Variants in LRPPRC observed in about 807,000 individuals in gnomAD.
LRPPRC encodes the protein leucine rich pentatricopeptide repeat containing.
LRPPRC carries 120 observed loss-of-function variants against 180.3 expected under a neutral mutation model. That is an observed-to-expected ratio of 0.67 (90% CI 0.57 to 0.77). The LOEUF is 0.77. Among genes scored for constraint, LRPPRC ranks in the 30% least tolerant of loss-of-function variants. LRPPRC has a pLI of 0.00. For synonymous variants in LRPPRC, 723 were observed against 600.0 expected, an observed-to-expected ratio of 1.21 and a Z score of -3.00; for missense variants, 2,012 against 1,657.2, an observed-to-expected ratio of 1.21 and a Z score of -3.72.
intron 23 of LRPPRC, among the ~76,000 whole-genome samples, chr2:43,937,829 A>C (rs758100954): frequency 4.6e-5 from 7 of 152,160 alleles, no homozygotes; most frequent in Admixed American, 1.3e-4. Context: ...TCAGTAAGGG[A>C]AGCACAATAT....
intron 11 of LRPPRC, among the ~76,000 whole-genome samples, chr2:43,963,993 A>T (rs1673458160): frequency 6.6e-6 from 1 of 152,184 alleles, no homozygotes; most frequent in African/African-American, 2.4e-5. Flanking sequence ...CATTTCTGGC[A>T]CCCCAAACAG....
At chr2:43,956,830 CA>C (rs1320086886) in intron 14 of LRPPRC, among the ~76,000 whole-genome samples, 15 of 152,150 alleles carry the variant, frequency 9.9e-5, no homozygotes, top group Admixed American at 9.8e-4. Flanking sequence ...GCGGACGTCG[CA>C]GTGAGCCAGG....
At chr2:43,954,959 A>T (rs17031777) in intron 14 of LRPPRC, among the ~76,000 whole-genome samples, 1 of 151,894 alleles carries the variant, frequency 6.6e-6, no homozygotes, top group Non-Finnish European at 1.5e-5. Flanking sequence ...AACTTCAAAC[A>T]CCTCTTACAG....
chr2:43,946,825 C>T (rs114590755), intron 20 of LRPPRC, among the ~76,000 whole-genome samples: 217 of 152,038 alleles, frequency 1.4e-3, no homozygotes, highest in African/African-American at 4.5e-3. Flanking sequence ...GCTGGATGCC[C>T]GCTGAAAAAA....
chr2:43,950,690 A>G, intron 14 of LRPPRC, 90 bp from the exon 15 acceptor site: 1 of 890,552 alleles, frequency 1.1e-6, no homozygotes, highest in Admixed American at 1.8e-5. Flanking sequence ...AAGTATTAAA[A>G]TTAATAAGTA....
intron 14 of LRPPRC, among the ~76,000 whole-genome samples, chr2:43,956,515 A>C (rs1043193445): frequency 1.3e-5 from 1 of 77,788 alleles, no homozygotes; most frequent in Non-Finnish European, 2.4e-5. Flanking sequence ...GTGTGTGTGT[A>C]GGTACTTTCT....
chr2:43,976,674 T>G (rs1674069103), intron 5 of LRPPRC, among the ~76,000 whole-genome samples: 1 of 151,218 alleles, frequency 6.6e-6, no homozygotes, highest in Non-Finnish European at 1.5e-5. Context: ...TGAATACAGC[T>G]TAAATGGTTA....
At chr2:43,905,557 C>T (rs1388857427) in intron 31 of LRPPRC, 135 bp downstream of exon 31, 1 of 742,276 alleles carries the variant, frequency 1.3e-6, no homozygotes, top group Non-Finnish European at 2.5e-6. Flanking sequence ...ATTTATGTCT[C>T]TCAGCTACCA....
Position 43,960,569 on chromosome 2 carries a change from A to C in LRPPRC, c.1554T>G (p.Asn518Lys). 1.2e-6 allele frequency: 2 copies of C among 1,600,058 alleles called. No individual in the cohort carries two copies. Among genetic ancestry groups the C allele is most frequent in the South Asian group, 2.2e-5 (2 of 90,842 alleles). The change falls in exon 13 of 38, where the codon AAT (asparagine) becomes AAG (lysine). Residue 518 changes from asparagine to lysine, a missense_variant. By Grantham distance (94) the Asn-to-Lys change is moderately conservative. Coordinates refer to ENST00000260665, the MANE Select transcript of LRPPRC (RefSeq NM_133259.4). The stretch of plus-strand genomic sequence containing the variant: ...ATGATAATACAAAGTCTAAGTTCCC[A>C]TTTGCTGCTTCACTTCTCAATCCAG... ...SQAGLRSEAA[N>K]GNLDFVLSFL...
chr2:43,931,035 G>A (rs967929998), intron 25 of LRPPRC, among the ~76,000 whole-genome samples: 1 of 151,956 alleles, frequency 6.6e-6, no homozygotes, highest in Admixed American at 6.6e-5. Context: ...ATTAAATCCA[G>A]GGAAAGATTA....
chr2:43,959,995 C>T (rs1355586730), intron 13 of LRPPRC, among the ~76,000 whole-genome samples: 1 of 152,228 alleles, frequency 6.6e-6, no homozygotes, highest in African/African-American at 2.4e-5. Flanking sequence ...AATCATTTAA[C>T]TTCTCTATGC....
At chr2:43,917,981 A>T in intron 29 of LRPPRC, 44 bp downstream of exon 29, 1 of 1,391,282 alleles carries the variant, frequency 7.2e-7, no homozygotes, top group Non-Finnish European at 1.0e-6. Flanking sequence ...TATTAGAAAG[A>T]AGACCACCCC....
intron 34 of LRPPRC, among the ~76,000 whole-genome samples, chr2:43,897,912 G>A (rs1215730076): frequency 6.6e-6 from 1 of 151,764 alleles, no homozygotes; most frequent in Non-Finnish European, 1.5e-5. Context: ...AATTAGATAT[G>A]TATATGCTTA....
At chr2:43,909,654 G>A (rs1264483728) in intron 30 of LRPPRC, among the ~76,000 whole-genome samples, 3 of 149,472 alleles carry the variant, frequency 2.0e-5, no homozygotes, top group South Asian at 4.2e-4. Context: ...ATAATATTGA[G>A]GGTGGGAAAA....
At chr2:43,982,657 T>A (rs1437983788) in intron 1 of LRPPRC, among the ~76,000 whole-genome samples, 1 of 152,198 alleles carries the variant, frequency 6.6e-6, no homozygotes, top group Non-Finnish European at 1.5e-5. Flanking sequence ...ATCTCCTGAA[T>A]AATTGACAAC....
chr2:43,940,095 C>A (rs1672425574), intron 23 of LRPPRC, among the ~76,000 whole-genome samples: 1 of 152,170 alleles, frequency 6.6e-6, no homozygotes, highest in Non-Finnish European at 1.5e-5. Flanking sequence ...AATTACGACC[C>A]AATGATCCTT....
intron 11 of LRPPRC, among the ~76,000 whole-genome samples, chr2:43,965,161 C>A (rs889756170): frequency 2.6e-5 from 4 of 152,178 alleles, no homozygotes; most frequent in Non-Finnish European, 4.4e-5. Context: ...GTCACCACGA[C>A]CAGCTAGTTT....
intron 25 of LRPPRC, among the ~76,000 whole-genome samples, chr2:43,927,329 T>A (rs1336788831): frequency 1.3e-5 from 2 of 152,190 alleles, no homozygotes; most frequent in Admixed American, 6.5e-5. Flanking sequence ...AGAACTGAAG[T>A]GGAAACTAAC....
chr2:43,993,730 C>T (rs1033871612), intron 1 of LRPPRC, among the ~76,000 whole-genome samples: 2 of 113,264 alleles, frequency 1.8e-5, no homozygotes, highest in Admixed American at 8.8e-5. Flanking sequence ...AGCTTACCTT[C>T]TACTAAAGAA....
Sources: allele counts gnomAD v4.1 joint callset (sites outside exome capture counted in the v4.1 genomes callset), GRCh38; gene constraint gnomAD v4.1.1; transcripts MANE v1.5; gene names NCBI Gene and HGNC (gene_info 2026-07-23, HGNC 2026-07-21).